GRIK1: variants seen among roughly 807,000 people sequenced by gnomAD.
GRIK1 encodes glutamate ionotropic receptor kainate type subunit 1.
A neutral mutation model predicts 105.7 loss-of-function variants in GRIK1; 69 were observed. The ratio of observed to expected loss-of-function variants is 0.65; its 90% CI spans 0.54 to 0.80. GRIK1 has a LOEUF of 0.80. GRIK1 is among the 30% of genes least tolerant of loss of function. The pLI, the probability that GRIK1 is intolerant of heterozygous loss-of-function variation, is 0.00. For missense variants in GRIK1, 1,109 were observed against 1,167.3 expected (o/e 0.95, Z 0.73); for synonymous variants, 438 against 431.3 (o/e 1.02, Z -0.19).
chr21:29,723,404 C>T (rs979288896), intron 1 of GRIK1, among the ~76,000 whole-genome samples: 10 of 152,152 alleles, frequency 6.6e-5, no homozygotes, highest in African/African-American at 1.9e-4. Context: ...TCATGCTTTA[C>T]AGATTTAGTA....
intron 1 of GRIK1, among the ~76,000 whole-genome samples, chr21:29,928,684 C>T (rs1348043369): frequency 3.3e-5 from 5 of 152,128 alleles, no homozygotes; most frequent in African/African-American, 1.2e-4. Context: ...ATGGAAAATG[C>T]GCTGAGTCTT....
intron 1 of GRIK1, among the ~76,000 whole-genome samples, chr21:29,882,724 T>C (rs972160450): frequency 4.6e-5 from 7 of 152,104 alleles, no homozygotes; most frequent in Admixed American, 4.6e-4. Flanking sequence ...GGTAAATAAG[T>C]GCTAGGCAAA....
At chr21:29,721,342 C>G (rs1009190088) in intron 1 of GRIK1, among the ~76,000 whole-genome samples, 1 of 152,014 alleles carries the variant, frequency 6.6e-6, no homozygotes, top group African/African-American at 2.4e-5. Context: ...AAAGTCAAAG[C>G]TTTGGGGAAC....
chr21:29,876,459 C>T (rs554656255), intron 1 of GRIK1, among the ~76,000 whole-genome samples: 6 of 152,236 alleles, frequency 3.9e-5, no homozygotes, highest in Non-Finnish European at 5.9e-5. Flanking sequence ...GATGCTTTGA[C>T]GATACCAGAA....
intron 1 of GRIK1, among the ~76,000 whole-genome samples, chr21:29,767,123 G>A (rs987506133): frequency 3.9e-5 from 6 of 152,150 alleles, no homozygotes; most frequent in Non-Finnish European, 7.3e-5. Flanking sequence ...CGAAGGAGGG[G>A]TAGAATGGTG....
chr21:29,795,027 A>AT (rs1569102231), intron 1 of GRIK1, among the ~76,000 whole-genome samples: 27,094 of 80,702 alleles, frequency 0.34, 6,192 homozygotes, highest in South Asian at 0.43. Context: ...CTTTGCTCTA[A>AT]ATTTTTTTTT....
At chr21:29,792,084 G>A (rs1394606766) in intron 1 of GRIK1, among the ~76,000 whole-genome samples, 1 of 151,960 alleles carries the variant, frequency 6.6e-6, no homozygotes, top group Non-Finnish European at 1.5e-5. Flanking sequence ...TTGTAAATTG[G>A]AAACTGACTG....
At chr21:29,602,479 G>T (rs1338141272) in intron 7 of GRIK1, among the ~76,000 whole-genome samples, 3 of 152,074 alleles carry the variant, frequency 2.0e-5, no homozygotes, top group Non-Finnish European at 2.9e-5. Context: ...ACACATTAAC[G>T]GATTTCCATA....
chr21:29,896,572 C>T (rs1045052917), intron 1 of GRIK1, among the ~76,000 whole-genome samples: 4 of 152,182 alleles, frequency 2.6e-5, no homozygotes, highest in African/African-American at 9.7e-5. Context: ...TTGCTTATCA[C>T]AGTATCTGAC....
At chr21:29,881,754 T>C (rs994959047) in intron 1 of GRIK1, among the ~76,000 whole-genome samples, 4 of 152,146 alleles carry the variant, frequency 2.6e-5, no homozygotes, top group African/African-American at 7.2e-5. Context: ...TCAGTACTCT[T>C]ACATGTGTTG....
intron 4 of GRIK1, among the ~76,000 whole-genome samples, chr21:29,661,528 G>A (rs2146600920): frequency 6.6e-6 from 1 of 152,286 alleles, no homozygotes; most frequent in East Asian, 1.9e-4. Context: ...CAAGGAATGA[G>A]GACGGCCTCT....
chr21:29,864,521 C>T (rs1470540019), intron 1 of GRIK1, among the ~76,000 whole-genome samples: 1 of 152,122 alleles, frequency 6.6e-6, no homozygotes, highest in African/African-American at 2.4e-5. Flanking sequence ...TTATTTCAAA[C>T]ATCATAATTT....
chr21:29,717,763 A>G (rs905377756), intron 1 of GRIK1, among the ~76,000 whole-genome samples: 7 of 152,204 alleles, frequency 4.6e-5, no homozygotes, highest in Non-Finnish European at 7.3e-5. Flanking sequence ...GAATGAGCTA[A>G]GACTTTGGGG....
chr21:29,796,087 T>C (rs1445392109), intron 1 of GRIK1, among the ~76,000 whole-genome samples: 1 of 152,250 alleles, frequency 6.6e-6, no homozygotes, highest in Non-Finnish European at 1.5e-5. Context: ...AGTTATTACA[T>C]ATTCAAAATT....
intron 1 of GRIK1, among the ~76,000 whole-genome samples, chr21:29,859,339 T>C (rs1197607811): frequency 2.0e-5 from 3 of 151,634 alleles, no homozygotes; most frequent in Admixed American, 1.3e-4. Context: ...TGTGCACATG[T>C]ACCCTAGAAC....
At chr21:29,800,175 T>C (rs2066664236) in intron 1 of GRIK1, among the ~76,000 whole-genome samples, 1 of 152,176 alleles carries the variant, frequency 6.6e-6, no homozygotes, top group Admixed American at 6.5e-5. Context: ...AAATACACGA[T>C]CTGGCTTTCT....
intron 7 of GRIK1, among the ~76,000 whole-genome samples, chr21:29,602,810 T>A (rs1398001452): frequency 6.6e-6 from 1 of 152,172 alleles, no homozygotes; most frequent in African/African-American, 2.4e-5. Flanking sequence ...CTCAGTAGAC[T>A]TTTGGGGAAT....
chr21:29,791,191 G>A (rs1256326800), intron 1 of GRIK1, among the ~76,000 whole-genome samples: 3 of 152,090 alleles, frequency 2.0e-5, no homozygotes, highest in Non-Finnish European at 4.4e-5. Context: ...ATGGGACTTC[G>A]CAAGATGTGG....
intron 1 of GRIK1, among the ~76,000 whole-genome samples, chr21:29,777,112 C>G (rs1163622479): frequency 6.6e-6 from 1 of 152,132 alleles, no homozygotes; most frequent in East Asian, 1.9e-4. Context: ...AGGCCCCACC[C>G]TAGACCAAGT....
Sources: gnomAD v4.1 joint callset for allele counts (sites outside exome capture counted in the v4.1 genomes callset) on GRCh38, gnomAD v4.1.1 for gene constraint, MANE v1.5 for transcripts, NCBI Gene and HGNC (gene_info 2026-07-23, HGNC 2026-07-21) for gene names.